The following BABAM2 variants were observed in gnomAD, a reference collection of about 807,000 sequenced individuals.
The protein encoded by BABAM2 is BRISC and BRCA1-A complex member 2.
In BABAM2, 31 loss-of-function variants were observed where a neutral mutation model predicts 54.7. The ratio of observed to expected loss-of-function variants is 0.57; its 90% CI spans 0.43 to 0.77. The LOEUF (loss-of-function observed/expected upper bound fraction) is 0.77. Among genes scored for constraint, BABAM2 ranks in the 30% least tolerant of loss-of-function variants. BABAM2 has a pLI of 0.00. For missense variants in BABAM2, 364 were observed against 455.8 expected (o/e 0.80, Z 1.83); for synonymous variants, 167 against 162.9 (o/e 1.03, Z -0.19).
intron 11 of BABAM2, among the ~76,000 whole-genome samples, chr2:28,317,361 C>T (rs1689645927): frequency 2.0e-5 from 3 of 152,034 alleles, no homozygotes; most frequent in Admixed American, 6.6e-5. Flanking sequence ...AGAATAGCAC[C>T]CTTGGGCTTA....
intron 3 of BABAM2, among the ~76,000 whole-genome samples, chr2:27,968,664 A>G (rs887102827): frequency 6.6e-6 from 1 of 152,228 alleles, no homozygotes; most frequent in African/African-American, 2.4e-5. Context: ...CCGTGAAGGC[A>G]GCTGGGAGGA....
intron 2 of BABAM2, among the ~76,000 whole-genome samples, chr2:27,916,970 T>C (rs945924306): frequency 3.3e-5 from 5 of 151,436 alleles, no homozygotes; most frequent in African/African-American, 1.2e-4. Flanking sequence ...TTCTTGAGAA[T>C]AGAGAATCCT....
At chr2:28,021,926 G>T (rs995855479) in intron 4 of BABAM2, among the ~76,000 whole-genome samples, 2 of 152,032 alleles carry the variant, frequency 1.3e-5, no homozygotes, top group Admixed American at 6.6e-5. Context: ...GTATCCTCGC[G>T]CATGTCTAAA....
At chr2:28,125,775 T>C (rs1471284439) in intron 6 of BABAM2, among the ~76,000 whole-genome samples, 1 of 152,180 alleles carries the variant, frequency 6.6e-6, no homozygotes, top group Non-Finnish European at 1.5e-5. Flanking sequence ...AGAATATTTA[T>C]TGCAGCACTA....
chr2:28,151,432 G>C (rs900171187), intron 7 of BABAM2, among the ~76,000 whole-genome samples: 1 of 152,102 alleles, frequency 6.6e-6, no homozygotes, highest in South Asian at 2.1e-4. Flanking sequence ...TTAGCCAGGT[G>C]TGGTGGCAAG....
intron 3 of BABAM2, among the ~76,000 whole-genome samples, chr2:27,957,040 T>C (rs928809365): frequency 1.3e-5 from 2 of 152,228 alleles, no homozygotes; most frequent in Admixed American, 1.3e-4. Flanking sequence ...GACTAAGGAA[T>C]GAATGCTACT....
At chr2:28,184,776 T>C (rs1676103291) in intron 7 of BABAM2, among the ~76,000 whole-genome samples, 1 of 152,234 alleles carries the variant, frequency 6.6e-6, no homozygotes. Flanking sequence ...AGTGCCACAA[T>C]AAACATACAT....
chr2:28,310,999 C>A (rs1049845235), intron 11 of BABAM2, among the ~76,000 whole-genome samples: 3 of 152,090 alleles, frequency 2.0e-5, no homozygotes, highest in Non-Finnish European at 4.4e-5. Flanking sequence ...CGGTGGCTCA[C>A]GCCTGTAATC....
chr2:28,105,741 C>G (rs771801129), intron 6 of BABAM2, among the ~76,000 whole-genome samples: 1 of 152,194 alleles, frequency 6.6e-6, no homozygotes, highest in Non-Finnish European at 1.5e-5. Context: ...CTTTGGGCCT[C>G]AAATCTTGAC....
chr2:28,064,472 A>G (rs527977336), intron 6 of BABAM2, among the ~76,000 whole-genome samples: 2 of 152,250 alleles, frequency 1.3e-5, no homozygotes, highest in Non-Finnish European at 2.9e-5. Context: ...TAATTTTAGA[A>G]TGATTCAGTG....
intron 2 of BABAM2, among the ~76,000 whole-genome samples, chr2:27,911,044 C>T (rs531019947): frequency 6.6e-5 from 10 of 152,220 alleles, no homozygotes; most frequent in African/African-American, 2.4e-4. Flanking sequence ...CCCTTTTGCT[C>T]GGTACTTCTC....
rs1186004639 is a variant in BABAM2 at position 28,139,340 on chromosome 2, AAAAAAG to A, written c.680+9972_680+9977del. On this transcript the variant is annotated intron_variant, in intron 7 of 11. Transcript: ENST00000379624. ...CCGTCTCAAAAAAAAAAAAAAAAAAAAAAAAGAAAAAGAAAAAAAAGAGGTGGAGAC... is the reference window on the plus strand; with the variant it reads ...CCGTCTCAAAAAAAAAAAAAAAAAAAAAAAAGAAAAAAAAGAGGTGGAGAC... 6.4e-3 allele frequency among the ~76,000 whole-genome samples: 828 copies of A among 129,278 alleles called. 5 individuals carry two copies. Among genetic ancestry groups the A allele is most frequent in the African/African-American group, 0.022 (789 of 35,430 alleles). 84.8% of individuals were successfully genotyped at this position (129,278 alleles called of 152,430 possible).
At chr2:27,908,408 GACTAAAGC>G (rs1666340164) in intron 2 of BABAM2, among the ~76,000 whole-genome samples, 1 of 152,140 alleles carries the variant, frequency 6.6e-6, no homozygotes, top group African/African-American at 2.4e-5. Flanking sequence ...GAGTAGCTGG[GACTAAAGC>G]ACATACTACC....
At chr2:28,282,997 CAAAAA>C (rs370484850) in intron 10 of BABAM2, among the ~76,000 whole-genome samples, 5 of 71,940 alleles carry the variant, frequency 7.0e-5, no homozygotes, top group Admixed American at 2.0e-4. Flanking sequence ...GACTCCGTCC[CAAAAA>C]AAAAAAAAAA....
intron 6 of BABAM2, among the ~76,000 whole-genome samples, chr2:28,076,473 T>TTTAG (rs541930699): frequency 0.51 from 73,633 of 145,586 alleles, 19,830 homozygotes; most frequent in Non-Finnish European, 0.63. Context: ...TATTTATTTA[T>TTTAG]TTATTTATTT....
At chr2:28,139,504 G>T (rs1419738448) in intron 7 of BABAM2, among the ~76,000 whole-genome samples, 1 of 151,966 alleles carries the variant, frequency 6.6e-6, no homozygotes, top group Non-Finnish European at 1.5e-5. Flanking sequence ...GGGAGATGGA[G>T]GTTGCAGTGA....
chr2:28,246,026 CAT>C (rs1444681612), intron 10 of BABAM2, among the ~76,000 whole-genome samples: 1 of 152,138 alleles, frequency 6.6e-6, no homozygotes, highest in Non-Finnish European at 1.5e-5. Context: ...TGGTAAAATT[CAT>C]ATAGAGATGA....
At chr2:28,061,051 G>A (rs1678820139) in intron 6 of BABAM2, among the ~76,000 whole-genome samples, 1 of 152,086 alleles carries the variant, frequency 6.6e-6, no homozygotes, top group Admixed American at 6.5e-5. Context: ...CAAAATTGGA[G>A]GACTCACATT....
chr2:28,234,205 A>G (rs1029144845), intron 7 of BABAM2, among the ~76,000 whole-genome samples: 1 of 152,094 alleles, frequency 6.6e-6, no homozygotes, highest in Admixed American at 6.6e-5. Flanking sequence ...TTTTTTTCAC[A>G]TGTAAAATTA....
Sources: allele counts gnomAD v4.1 joint callset (sites outside exome capture counted in the v4.1 genomes callset), GRCh38; gene constraint gnomAD v4.1.1; transcripts MANE v1.5; gene names NCBI Gene and HGNC (gene_info 2026-07-23, HGNC 2026-07-21).